The following AP1S3 variants were observed in gnomAD, a reference collection of about 807,000 sequenced individuals.
AP1S3 encodes adaptor related protein complex 1 subunit sigma 3.
A neutral mutation model predicts 20.9 loss-of-function variants in AP1S3; 10 were observed. The observed-to-expected ratio is 0.48, with a 90% CI of 0.29 to 0.81. The LOEUF is 0.81. Ranked by LOEUF, AP1S3 falls within the 30% of genes least tolerant of loss-of-function variation. AP1S3 has a pLI of 0.08. For synonymous variants in AP1S3, 41 were observed against 61.5 expected, an observed-to-expected ratio of 0.67 and a Z score of 1.56; for missense variants, 154 against 183.8, an observed-to-expected ratio of 0.84 and a Z score of 0.94.
chr2:223,776,685 G>A (rs1690792305), intron 2 of AP1S3, among the ~76,000 whole-genome samples: 1 of 152,130 alleles, frequency 6.6e-6, no homozygotes, highest in Admixed American at 6.6e-5. Flanking sequence ...GGGTCTCCAA[G>A]GGCAAAATTA....
chr2:223,764,968 G>A (rs1185180545), intron 4 of AP1S3: 1 of 479,036 alleles, frequency 2.1e-6, no homozygotes, highest in Non-Finnish European at 3.5e-6. Context: ...CACTTCCTGT[G>A]TGAAATTGAG....
intron 1 of AP1S3, among the ~76,000 whole-genome samples, chr2:223,809,560 C>T (rs1691669763): frequency 6.6e-6 from 1 of 151,380 alleles, no homozygotes; most frequent in African/African-American, 2.4e-5. Context: ...CAGAGAATTG[C>T]TTGAACCCGG....
chr2:223,795,266 T>A (rs628490), intron 1 of AP1S3, among the ~76,000 whole-genome samples: 4,755 of 152,088 alleles, frequency 0.031, 105 homozygotes, highest in Admixed American at 0.067. Context: ...TAAAAAAAAA[T>A]TTTAAAAATT....
At chr2:223,792,380 C>T (rs1292429450) in intron 1 of AP1S3, among the ~76,000 whole-genome samples, 1 of 151,978 alleles carries the variant, frequency 6.6e-6, no homozygotes, top group African/African-American at 2.4e-5. Context: ...AGAAATAAGA[C>T]CTCACACCTA....
chr2:223,764,995 T>C, intron 4 of AP1S3: 1 of 543,702 alleles, frequency 1.8e-6, no homozygotes, highest in South Asian at 4.2e-5. Context: ...ATTTAACCTC[T>C]TGGTGTCTCA....
intron 1 of AP1S3, among the ~76,000 whole-genome samples, chr2:223,828,563 C>A (rs759669282): frequency 1.3e-5 from 2 of 152,190 alleles, no homozygotes; most frequent in South Asian, 4.1e-4. Context: ...TGAGATGACT[C>A]AAGAATGCTT....
Position 223,761,434 on chromosome 2 carries a change from C to CT in AP1S3, c.430-2685dup, listed in dbSNP as rs1019489850. On this transcript the variant is annotated intron_variant, in intron 4 of 4. Coordinates refer to ENST00000396654, the MANE Select transcript of AP1S3 (RefSeq NM_001039569.2). Reference sequence around the variant, plus strand: ...TGAGATACAATCTGACCCTCCCCTTCTTTTTTTTGAGACAGGGTCTCACTC... The same window carrying CT: ...TGAGATACAATCTGACCCTCCCCTTCTTTTTTTTTGAGACAGGGTCTCACTC... Among the ~76,000 whole-genome samples the CT allele has an allele frequency of 5.9e-5, 9 of 152,026 alleles. 1 individual carries two copies. The South Asian group carries it at 1.5e-3, about 25-fold the overall frequency.
intron 1 of AP1S3, among the ~76,000 whole-genome samples, chr2:223,816,672 C>T (rs924758211): frequency 3.3e-5 from 5 of 152,204 alleles, no homozygotes; most frequent in African/African-American, 1.2e-4. Context: ...ATCCTCCCTG[C>T]AATCAAATGC....
chr2:223,801,706 A>G (rs1207762410), intron 1 of AP1S3, among the ~76,000 whole-genome samples: 5 of 152,096 alleles, frequency 3.3e-5, no homozygotes, highest in African/African-American at 1.2e-4. Flanking sequence ...GGCCTCCCAA[A>G]GTGCTGGGAT....
intron 1 of AP1S3, among the ~76,000 whole-genome samples, chr2:223,783,169 A>G (rs575009539): frequency 3.7e-4 from 56 of 152,208 alleles, no homozygotes; most frequent in Non-Finnish European, 4.4e-5. Context: ...TATTGTTGGG[A>G]CAAAAGGAAC....
At chr2:223,788,258 G>GTTC (rs1382296274) in intron 1 of AP1S3, among the ~76,000 whole-genome samples, 11 of 150,110 alleles carry the variant, frequency 7.3e-5, no homozygotes, top group Admixed American at 7.3e-4. Flanking sequence ...GACTGCCACA[G>GTTC]TTCTTATATA....
At chr2:223,804,946 T>C (rs1364735591) in intron 1 of AP1S3, among the ~76,000 whole-genome samples, 1 of 152,160 alleles carries the variant, frequency 6.6e-6, no homozygotes, top group African/African-American at 2.4e-5. Context: ...ACAATAAAAA[T>C]GATTTAGGCT....
Position 223,827,726 on chromosome 2 carries a change from G to GA in AP1S3, c.3+9721dup, listed in dbSNP as rs573357588. Among the ~76,000 whole-genome samples the GA allele has an allele frequency of 7.3e-3, 1,072 of 146,038 alleles. 13 individuals are homozygous for GA. The highest frequency in any genetic ancestry group is 0.026 in the African/African-American group (1,025 of 39,856). On this transcript the variant is annotated intron_variant, in intron 1 of 4. Coordinates refer to ENST00000396654, the MANE Select transcript of AP1S3 (RefSeq NM_001039569.2). ...ATCAGTTTAAATAAATTTCTCAGAG[G>GA]AAAAAAAAAAATCTAAAGTATTTTC...
chr2:223,781,531 T>A (rs1455125605), intron 1 of AP1S3, among the ~76,000 whole-genome samples: 1 of 151,770 alleles, frequency 6.6e-6, no homozygotes, highest in Non-Finnish European at 1.5e-5. Flanking sequence ...AGCCCAGGAG[T>A]TTGAGAGTAG....
chr2:223,760,157 G>T (rs1405171929), intron 4 of AP1S3, among the ~76,000 whole-genome samples: 3 of 152,108 alleles, frequency 2.0e-5, no homozygotes, highest in African/African-American at 7.2e-5. Flanking sequence ...ATATATATTT[G>T]TGTCACACCA....
chr2:223,795,850 G>C (rs1258195155), intron 1 of AP1S3, among the ~76,000 whole-genome samples: 2 of 152,050 alleles, frequency 1.3e-5, no homozygotes, highest in Non-Finnish European at 2.9e-5. Flanking sequence ...AGCAAAGAAT[G>C]AGCATTCAGT....
At chr2:223,763,194 A>T (rs1690401354) in intron 4 of AP1S3, among the ~76,000 whole-genome samples, 1 of 152,164 alleles carries the variant, frequency 6.6e-6, no homozygotes. Context: ...CACCAGGGCT[A>T]AATGCAAGGT....
chr2:223,826,126 G>A (rs1692122328), intron 1 of AP1S3, among the ~76,000 whole-genome samples: 1 of 152,132 alleles, frequency 6.6e-6, no homozygotes, highest in South Asian at 2.1e-4. Flanking sequence ...CACAACACCT[G>A]TCAGTTGTTT....
intron 1 of AP1S3, among the ~76,000 whole-genome samples, chr2:223,790,835 G>T (rs1488511811): frequency 6.6e-6 from 1 of 152,050 alleles, no homozygotes; most frequent in Non-Finnish European, 1.5e-5. Flanking sequence ...TGATAAGAGG[G>T]ATATCATCAC....
Sources: gnomAD v4.1 joint callset for allele counts (sites outside exome capture counted in the v4.1 genomes callset) on GRCh38, gnomAD v4.1.1 for gene constraint, MANE v1.5 for transcripts, NCBI Gene and HGNC (gene_info 2026-07-23, HGNC 2026-07-21) for gene names.